GRID2: variants seen among roughly 807,000 people sequenced by gnomAD.
The protein encoded by GRID2 is glutamate ionotropic receptor delta type subunit 2, also known as glutamate receptor ionotropic, delta-2.
Under a neutral mutation model 114.8 loss-of-function variants are expected in GRID2, and 33 were observed. The ratio of observed to expected loss-of-function variants is 0.29; its 90% CI spans 0.22 to 0.38. The LOEUF (loss-of-function observed/expected upper bound fraction) is 0.38. Among genes scored for constraint, GRID2 ranks in the 10% least tolerant of loss-of-function variants. The pLI, the probability that GRID2 is intolerant of heterozygous loss-of-function variation, is 1.00. For synonymous variants in GRID2, 505 were observed against 449.9 expected, an observed-to-expected ratio of 1.12 and a Z score of -1.55; for missense variants, 1,184 against 1,257.7, an observed-to-expected ratio of 0.94 and a Z score of 0.89.
At chr4:92,594,482 C>A (rs1728854617) in intron 2 of GRID2, among the ~76,000 whole-genome samples, 2 of 151,856 alleles carry the variant, frequency 1.3e-5, no homozygotes, top group Admixed American at 1.3e-4. Context: ...AGAATTAGAA[C>A]CTTATAGAAA....
intron 13 of GRID2, among the ~76,000 whole-genome samples, chr4:93,597,715 G>T (rs1739242767): frequency 6.6e-6 from 1 of 152,208 alleles, no homozygotes; most frequent in South Asian, 2.1e-4. Flanking sequence ...TCCCAAATTT[G>T]TTAGCTTGCA....
At chr4:93,031,742 AC>A (rs886267382) in intron 2 of GRID2, among the ~76,000 whole-genome samples, 1 of 146,336 alleles carries the variant, frequency 6.8e-6, no homozygotes, top group Non-Finnish European at 1.5e-5. Flanking sequence ...GGTCAATTAA[AC>A]CTTTTTTTTT....
chr4:92,507,608 T>C (rs1724042718), intron 1 of GRID2, among the ~76,000 whole-genome samples: 1 of 152,004 alleles, frequency 6.6e-6, no homozygotes, highest in Admixed American at 6.6e-5. Flanking sequence ...GAGCTACTTC[T>C]GTAAAAACTC....
intron 1 of GRID2, among the ~76,000 whole-genome samples, chr4:92,444,154 G>A (rs3126338): frequency 6.6e-6 from 1 of 152,144 alleles, no homozygotes; most frequent in African/African-American, 2.4e-5. Context: ...GGAGGACAGG[G>A]GATTGATCTC....
chr4:93,372,331 T>C (rs1763006217), intron 8 of GRID2, among the ~76,000 whole-genome samples: 1 of 151,588 alleles, frequency 6.6e-6, no homozygotes, highest in Non-Finnish European at 1.5e-5. Flanking sequence ...TCCAGGAAAA[T>C]GTAACTACAT....
At position 93,614,573 on chromosome 4, in the gene GRID2, T is replaced by C. The variant is rs550121988; in HGVS notation, c.2194-11696T>C. Reference sequence around the variant, plus strand: ...TAAAATTATATATTATTCTGTATTATTTATTTTTATTACAAAATGCTATAT... The same window carrying C: ...TAAAATTATATATTATTCTGTATTACTTATTTTTATTACAAAATGCTATAT... On this transcript the variant is annotated intron_variant, in intron 13 of 15. Coordinates refer to ENST00000282020, the MANE Select transcript of GRID2 (RefSeq NM_001510.4). Among the ~76,000 whole-genome samples the C allele has an allele frequency of 3.3e-5, 5 of 152,222 alleles. No individual in the cohort carries two copies. In the South Asian group the frequency reaches 8.3e-4, roughly 25 times the overall value.
intron 2 of GRID2, among the ~76,000 whole-genome samples, chr4:92,841,119 A>G (rs770406686): frequency 6.6e-6 from 1 of 152,012 alleles, no homozygotes; most frequent in Non-Finnish European, 1.5e-5. Context: ...TCCTCTCCTC[A>G]TTTAATCTAG....
intron 13 of GRID2, among the ~76,000 whole-genome samples, chr4:93,530,393 G>A (rs1731324686): frequency 6.6e-6 from 1 of 151,940 alleles, no homozygotes; most frequent in Admixed American, 6.6e-5. Flanking sequence ...TATTGATTTG[G>A]GTATCTTCCC....
At chr4:93,796,389 G>C (rs538996603) in intron 1 of GRID2, among the ~76,000 whole-genome samples, 55 of 152,270 alleles carry the variant, frequency 3.6e-4, no homozygotes, top group Middle Eastern at 3.4e-3. Context: ...GCTAATTCCA[G>C]ATAGTGAAAT....
intron 2 of GRID2, among the ~76,000 whole-genome samples, chr4:92,654,938 G>A (rs1297026710): frequency 6.6e-6 from 1 of 151,744 alleles, no homozygotes; most frequent in Non-Finnish European, 1.5e-5. Flanking sequence ...GTGCTTTTGA[G>A]GTCTTAGCCA....
At chr4:92,352,528 C>T (rs1728118822) in intron 1 of GRID2, among the ~76,000 whole-genome samples, 2 of 151,676 alleles carry the variant, frequency 1.3e-5, no homozygotes, top group Non-Finnish European at 2.9e-5. Context: ...TTATCTAATC[C>T]CATCAGTCAA....
chr4:92,640,691 A>G (rs1391751002), intron 2 of GRID2, among the ~76,000 whole-genome samples: 2 of 151,906 alleles, frequency 1.3e-5, no homozygotes, highest in Admixed American at 1.3e-4. Context: ...TTTTGAGAAG[A>G]AAAAGAGTTA....
chr4:93,189,439 C>T (rs1467994384), intron 4 of GRID2, among the ~76,000 whole-genome samples: 1 of 152,104 alleles, frequency 6.6e-6, no homozygotes, highest in Admixed American at 6.5e-5. Flanking sequence ...CGGTTATGCT[C>T]ACATGACCTA....
rs909921864 is a variant in GRID2 at position 92,658,784 on chromosome 4, T to A, written c.244+68498T>A. Among the ~76,000 whole-genome samples, 94 of 52,360 alleles carry A rather than the reference T, an allele frequency of 1.8e-3. 2 individuals carry two copies. The highest frequency in any genetic ancestry group is 8.8e-3 in the African/African-American group (87 of 9,856). The allele number at this position is 52,360 out of a possible 152,430, so 34.4% of individuals were successfully genotyped here. A position where few individuals can be genotyped will look rare whatever the true frequency, so the allele number is the denominator to read the frequency against. ...CAATGAATGTGTTTGCATGTATGTGTGTGTGTGTGTATATATATATATATA... is the reference window on the plus strand; with the variant it reads ...CAATGAATGTGTTTGCATGTATGTGAGTGTGTGTGTATATATATATATATA... On this transcript the variant is annotated intron_variant, in intron 2 of 15. Transcript: ENST00000282020.
intron 2 of GRID2, among the ~76,000 whole-genome samples, chr4:92,792,198 ATTAC>A (rs983305784): frequency 7.9e-5 from 12 of 151,752 alleles, no homozygotes; most frequent in Non-Finnish European, 1.6e-4. Context: ...TTATTGTTTA[ATTAC>A]TTACTGTCCA....
At chr4:92,564,947 G>A (rs1263555804) in intron 1 of GRID2, among the ~76,000 whole-genome samples, 8 of 151,948 alleles carry the variant, frequency 5.3e-5, no homozygotes, top group African/African-American at 1.4e-4. Flanking sequence ...ATGCCAGAAT[G>A]CATTTGCTGT....
intron 14 of GRID2, among the ~76,000 whole-genome samples, chr4:93,632,288 G>T (rs1222396822): frequency 6.6e-6 from 1 of 152,146 alleles, no homozygotes; most frequent in Non-Finnish European, 1.5e-5. Context: ...TGAAGTCCTT[G>T]CCCAGGCCTA....
intron 14 of GRID2, among the ~76,000 whole-genome samples, chr4:93,717,778 A>G (rs765643255): frequency 6.6e-6 from 1 of 152,210 alleles, no homozygotes; most frequent in African/African-American, 2.4e-5. Context: ...AAGATAAAGA[A>G]TCTTAAAAGC....
intron 2 of GRID2, among the ~76,000 whole-genome samples, chr4:92,921,919 TG>T (rs772586961): frequency 1.3e-5 from 2 of 152,206 alleles, no homozygotes; most frequent in African/African-American, 2.4e-5. Context: ...TGCTGCCTTT[TG>T]TATGGCTATG....
Sources: allele counts gnomAD v4.1 joint callset (sites outside exome capture counted in the v4.1 genomes callset), GRCh38; gene constraint gnomAD v4.1.1; transcripts MANE v1.5; gene names NCBI Gene and HGNC (gene_info 2026-07-23, HGNC 2026-07-21).